The following FHOD3 variants were observed in gnomAD, a reference collection of about 807,000 sequenced individuals.
FHOD3 encodes the protein formin homology 2 domain containing 3.
FHOD3 carries 90 observed loss-of-function variants against 173.0 expected under a neutral mutation model. That is an observed-to-expected ratio of 0.52 (90% confidence interval 0.44 to 0.62). FHOD3 has a LOEUF of 0.62. Ranked by LOEUF, FHOD3 falls within the 20% of genes least tolerant of loss-of-function variation. The probability of loss-of-function intolerance (pLI) is 0.00; values close to 1 mark genes in which losing one functional copy is unlikely to be tolerated. For missense variants in FHOD3, 1,945 were observed against 2,034.7 expected (o/e 0.96, Z 0.85); for synonymous variants, 828 against 823.0 (o/e 1.01, Z -0.10).
chr18:36,548,043 T>C (rs1241205237), intron 5 of FHOD3, among the ~76,000 whole-genome samples: 1 of 151,974 alleles, frequency 6.6e-6, no homozygotes, highest in Non-Finnish European at 1.5e-5. Context: ...AATACAAAAA[T>C]TAGTTGGTCG....
At chr18:36,302,101 T>C (rs1222838891) in intron 1 of FHOD3, among the ~76,000 whole-genome samples, 1 of 152,194 alleles carries the variant, frequency 6.6e-6, no homozygotes, top group African/African-American at 2.4e-5. Context: ...AAGTTCCGAG[T>C]TGGCATGTGA....
chr18:36,566,903 GAAC>G (rs1420808924), intron 5 of FHOD3, among the ~76,000 whole-genome samples: 1 of 152,130 alleles, frequency 6.6e-6, no homozygotes, highest in African/African-American at 2.4e-5. Context: ...ATGAAAATAA[GAAC>G]AATATTTCCC....
At chr18:36,590,988 G>A (rs1196685387) in intron 6 of FHOD3, among the ~76,000 whole-genome samples, 3 of 152,160 alleles carry the variant, frequency 2.0e-5, no homozygotes, top group Non-Finnish European at 4.4e-5. Context: ...CAGCAGCCAG[G>A]TTCTTTCCTG....
intron 5 of FHOD3, among the ~76,000 whole-genome samples, chr18:36,530,622 C>T (rs1485120538): frequency 2.0e-5 from 3 of 152,162 alleles, no homozygotes; most frequent in Non-Finnish European, 4.4e-5. Context: ...TCTGGTTGGT[C>T]CACATTTAGG....
intron 3 of FHOD3, among the ~76,000 whole-genome samples, chr18:36,473,553 C>A (rs1339951131): frequency 1.1e-4 from 16 of 152,164 alleles, no homozygotes; most frequent in Admixed American, 1.0e-3. Context: ...GGGCTAGAGC[C>A]CTGATTCCCA....
intron 5 of FHOD3, among the ~76,000 whole-genome samples, chr18:36,547,364 C>T (rs2057452965): frequency 6.6e-6 from 1 of 152,168 alleles, no homozygotes; most frequent in Admixed American, 6.5e-5. Flanking sequence ...TTTTATTTTT[C>T]CTCTTTTTTG....
intron 5 of FHOD3, among the ~76,000 whole-genome samples, chr18:36,556,616 T>C (rs1412950494): frequency 6.6e-6 from 1 of 152,244 alleles, no homozygotes; most frequent in African/African-American, 2.4e-5. Context: ...CCAGTCTTTG[T>C]GCCTGTTGTC....
chr18:36,671,412 G>C (rs574621570), intron 14 of FHOD3, among the ~76,000 whole-genome samples: 1 of 152,340 alleles, frequency 6.6e-6, no homozygotes, highest in Admixed American at 6.5e-5. Flanking sequence ...CAGTGCTGCT[G>C]TTTCATAGAT....
chr18:36,387,851 C>T (rs1044367716), intron 3 of FHOD3, among the ~76,000 whole-genome samples: 2 of 152,012 alleles, frequency 1.3e-5, no homozygotes, highest in African/African-American at 4.8e-5. Flanking sequence ...TGTGATGTGT[C>T]TACTCCTGCT....
At chr18:36,622,599 A>G (rs908476950) in intron 9 of FHOD3, among the ~76,000 whole-genome samples, 1 of 152,180 alleles carries the variant, frequency 6.6e-6, no homozygotes, top group Non-Finnish European at 1.5e-5. Flanking sequence ...CAAATGAGTC[A>G]CTCCATTACT....
At chr18:36,307,930 T>A (rs543421829) in intron 1 of FHOD3, among the ~76,000 whole-genome samples, 1 of 152,364 alleles carries the variant, frequency 6.6e-6, no homozygotes, top group African/African-American at 2.4e-5. Context: ...CTATTCATAA[T>A]AATATCTGAA....
At position 36,744,152 on chromosome 18, in the gene FHOD3, G is replaced by T. The variant is rs1298816471; in HGVS notation, c.4000G>T (p.Asp1334Tyr). 1 of 1,614,108 alleles carries T rather than the reference G, an allele frequency of 6.2e-7. No individual in the cohort carries two copies. Among genetic ancestry groups the T allele is most frequent in the Admixed American group, 1.7e-5 (1 of 60,020 alleles). The stretch of plus-strand genomic sequence containing the variant: ...GGTAGAAAACTTCCCAGACAGCTCC[G>T]ATCTGTACTCGGAGATCGGGGCCAT... ...MVVENFPDSS[D>Y]LYSEIGAITR... Residue 1334 changes from aspartate (D) to tyrosine (Y), a missense_variant, in exon 23 of 29, where the codon GAT becomes TAT. By Grantham distance (160) the Asp-to-Tyr change is radical (BLOSUM62 -3). Around this residue, in one of 5 missense-constraint regions of FHOD3, gnomAD observed 231 missense variants for 321.9 expected, o/e 0.72. Transcript: ENST00000590592.
intron 3 of FHOD3, among the ~76,000 whole-genome samples, chr18:36,427,356 T>C (rs1483156670): frequency 6.7e-6 from 1 of 150,096 alleles, no homozygotes; most frequent in African/African-American, 2.4e-5. Flanking sequence ...AATCTTGGCA[T>C]GTCCTCTCTT....
chr18:36,301,009 T>G (rs1395362871), intron 1 of FHOD3, among the ~76,000 whole-genome samples: 2 of 152,226 alleles, frequency 1.3e-5, no homozygotes, highest in African/African-American at 2.4e-5. Context: ...CCCAAAGTTC[T>G]GGGATTACAG....
chr18:36,402,453 C>A (rs929917807), intron 3 of FHOD3, among the ~76,000 whole-genome samples: 7 of 148,970 alleles, frequency 4.7e-5, no homozygotes, highest in Admixed American at 1.3e-4. Flanking sequence ...ATGTAATATG[C>A]AATATAAAAA....
chr18:36,567,058 G>T (rs1002622121), intron 5 of FHOD3, among the ~76,000 whole-genome samples: 2 of 152,144 alleles, frequency 1.3e-5, no homozygotes, highest in Non-Finnish European at 2.9e-5. Flanking sequence ...TGTCTAGCCT[G>T]GGTGACTGGG....
chr18:36,458,272 G>A (rs532069237), intron 3 of FHOD3, among the ~76,000 whole-genome samples: 34 of 152,300 alleles, frequency 2.2e-4, no homozygotes, highest in Non-Finnish European at 4.4e-4. Context: ...TCAGTAATTA[G>A]TTTGAGCAGT....
intron 1 of FHOD3, among the ~76,000 whole-genome samples, chr18:36,307,032 C>T (rs775410542): frequency 2.0e-5 from 3 of 152,210 alleles, no homozygotes; most frequent in Admixed American, 6.5e-5. Flanking sequence ...GGCACAGTCT[C>T]GGTTCACTGC....
At position 36,709,416 on chromosome 18, in the gene FHOD3, C is replaced by A; in HGVS notation, c.2533+25C>A. 1 of 1,596,504 alleles carries A rather than the reference C, an allele frequency of 6.3e-7. No homozygotes were observed. Among genetic ancestry groups the A allele is most frequent in the South Asian group, 1.1e-5 (1 of 88,264 alleles). On this transcript the variant is annotated intron_variant, in intron 18 of 28. Coordinates refer to ENST00000590592, the MANE Select transcript of FHOD3 (RefSeq NM_001281740.3). Reference sequence around the variant, plus strand: ...GGTAAATGAAGCCCCTTGTTTCAGTCGGCATGTGCCAGGGAGGCCTGGGGT... The same window carrying A: ...GGTAAATGAAGCCCCTTGTTTCAGTAGGCATGTGCCAGGGAGGCCTGGGGT...
Sources: allele counts gnomAD v4.1 joint callset (sites outside exome capture counted in the v4.1 genomes callset), GRCh38; gene constraint gnomAD v4.1.1; regional missense constraint gnomAD v4.1.1; transcripts MANE v1.5; gene names NCBI Gene and HGNC (gene_info 2026-07-23, HGNC 2026-07-21).